Variants in IFITM3 observed in about 807,000 individuals in gnomAD.
IFITM3 encodes the protein interferon induced transmembrane protein 3.
Under a neutral mutation model 5.2 loss-of-function variants are expected in IFITM3, and 5 were observed. The ratio of observed to expected loss-of-function variants is 0.96; its 90% confidence interval spans 0.50 to 2.03. IFITM3 has a LOEUF of 2.03. Among genes scored for constraint, IFITM3 ranks in the 30% most tolerant of loss-of-function variants. The pLI is 0.01. For synonymous variants in IFITM3, 81 were observed against 77.6 expected, an observed-to-expected ratio of 1.04 and a Z score of -0.23; for missense variants, 156 against 177.3, an observed-to-expected ratio of 0.88 and a Z score of 0.68.
At chr11:320,014 G>T (rs751394542) in intron 1 of IFITM3, 24 bp from the exon 2 acceptor site, 1 of 1,610,238 alleles carries the variant, frequency 6.2e-7, no homozygotes, top group Non-Finnish European at 8.5e-7. Context: ...GATGGTGAGG[G>T]GACCAGGATC....
rs1236208260 is a variant in IFITM3, at chr11:319,982, G to A, written c.258C>T (p.Asp86=). The change falls in exon 2 of 2, where the codon GAC becomes GAT. Residue 86 remains aspartate, a synonymous_variant. Transcript: ENST00000399808. ...CGGTCACGTCGCCAACCATCTTCCT[G>A]TCCCTAGACTGGGGGAGAGGAGATG... ...IAFAYSVKSR[D]RKMVGDVTGA... is the part of the protein sequence containing the mutation. The A allele has an allele frequency of 6.2e-7, 1 of 1,613,644 alleles. No homozygotes were observed. Among genetic ancestry groups the A allele is most frequent in the Non-Finnish European group, 8.5e-7 (1 of 1,179,946 alleles).
At position 320,657 on chromosome 11, in the gene IFITM3, A is replaced by C; in HGVS notation, c.157T>G (p.Ser53Ala). 6.2e-7 allele frequency: 1 copy of C among 1,613,852 alleles called. No individual in the cohort carries two copies. The highest frequency in any genetic ancestry group is 1.3e-5 in the African/African-American group (1 of 75,024). Residue 53 changes from serine to alanine, a missense_variant, in exon 1 of 2, where the codon TCC (serine) becomes GCC (alanine). Transcript: ENST00000399808. ...STVIHIRSET[S>A]VPDHVVWSLF... ...GACCAGACGACATGGTCGGGCACGG[A>C]GGTCTCGCTGCGGATGTGGATCACG...
Position 320,568 on chromosome 11 carries a change from C to T in IFITM3, c.246G>A (p.Val82=), listed in dbSNP as rs1846089073. ...CATTCCCTGGGGCCATACGCACCTT[C>T]ACGGAGTAGGCGAATGCTATGAAGC... ...CLGFIAFAYS[V]KSRDRKMVGD... is the part of the protein sequence containing the mutation. The change falls in exon 1 of 2, where the codon GTG becomes GTA. Residue 82 remains valine (V), a synonymous_variant. Transcript: ENST00000399808. The T allele has an allele frequency of 1.2e-6, 2 of 1,613,714 alleles. No homozygotes were observed. The highest frequency in any genetic ancestry group is 1.7e-5 in the Admixed American group (1 of 59,996).
chr11:320,031 C>T (rs1197968876), intron 1 of IFITM3, 41 bp from the exon 2 acceptor site: 1 of 1,606,658 alleles, frequency 6.2e-7, no homozygotes, highest in Non-Finnish European at 8.5e-7. Context: ...GATCCCCCAG[C>T]TGAGAGCCGC....
rs755208857 is a variant in IFITM3, at chr11:320,727, C to T, written c.87G>A (p.Val29=). 6.8e-6 allele frequency: 11 copies of T among 1,613,748 alleles called. No homozygotes were observed. Among genetic ancestry groups the T allele is most frequent in the Admixed American group, 5.0e-5 (3 of 59,980 alleles). The change falls in exon 1 of 2, where the codon GTG becomes GTA. Residue 29 remains valine, a synonymous_variant. Coordinates refer to ENST00000399808, the MANE Select transcript of IFITM3 (RefSeq NM_021034.3). The part of the protein sequence containing the change: ...NYEMLKEEHE[V]AVLGAPHNPA... ...GGTTGTGGGGCGCCCCCAGCACAGCCACCTCGTGCTCCTCCTTGAGCATCT... is the reference window on the plus strand; with the variant it reads ...GGTTGTGGGGCGCCCCCAGCACAGCTACCTCGTGCTCCTCCTTGAGCATCT...
Position 319,707 on chromosome 11 carries a change from T to C in IFITM3, c.*131A>G. On this transcript the variant is annotated 3_prime_UTR_variant, in exon 2 of 2. Transcript: ENST00000399808. The stretch of plus-strand genomic sequence containing the variant: ...AACACGTGCACTTTATTGAATGCCA[T>C]TGTAGAAAAGCGTGTGAGGATAAAG... The C allele has an allele frequency of 5.9e-6, 7 of 1,178,194 alleles. No individual in the cohort carries two copies. The highest frequency in any genetic ancestry group is 7.5e-6 in the Non-Finnish European group (6 of 798,546). The allele number at this position is 1,178,194 out of a possible 1,614,324, so 73.0% of individuals were successfully genotyped here.
chr11:320,852 A>T lies in IFITM3; in HGVS notation c.-39T>A. ...GACCAGCGGCGGTCGGGTTACTGGG[A>T]TGGTTCTCAGTGAGCCCTCCCTTTC... On this transcript the variant is annotated 5_prime_UTR_variant, in exon 1 of 2. Transcript: ENST00000399808. 1 of 1,579,880 alleles carries T rather than the reference A, an allele frequency of 6.3e-7. No individual in the cohort carries two copies. The highest frequency in any genetic ancestry group is 1.1e-5 in the South Asian group (1 of 87,930).
intron 1 of IFITM3, 53 bp from the exon 2 acceptor site, chr11:320,043 T>G: frequency 1.9e-6 from 3 of 1,605,420 alleles, no homozygotes. Flanking sequence ...GAGAGCCGCG[T>G]GCTATGGCTC....
At position 319,873 on chromosome 11, in the gene IFITM3, C is replaced by A; in HGVS notation, c.367G>T (p.Val123Phe). The change falls in exon 2 of 2, where the codon GTC becomes TTC. Residue 123 changes from valine (V) to phenylalanine (F), a missense_variant. By Grantham distance (50) the Val-to-Phe change is conservative. Coordinates refer to ENST00000399808, the MANE Select transcript of IFITM3 (RefSeq NM_021034.3). ...LGILMTILLI[V>F]IPVLIFQAYG ...GCCTGGAAGATCAGCACTGGGATGACGATGAGCAGAATGGTCATGAGGATG... is the reference window on the plus strand; with the variant it reads ...GCCTGGAAGATCAGCACTGGGATGAAGATGAGCAGAATGGTCATGAGGATG... The A allele has an allele frequency of 6.2e-7, 1 of 1,614,164 alleles. No homozygotes were observed. The highest frequency in any genetic ancestry group is 8.5e-7 in the Non-Finnish European group (1 of 1,180,032).
chr11:320,479 A>G (rs1457465484), intron 1 of IFITM3, 86 bp downstream of exon 1: 17 of 1,569,902 alleles, frequency 1.1e-5, no homozygotes, highest in Non-Finnish European at 1.4e-5. Flanking sequence ...ACAGGGACAC[A>G]CAAGTCCCCA....
In IFITM3 at chr11:320,712, C is replaced by T. The variant is rs751428465; in HGVS notation, c.102G>A (p.Ala34=). 13 of 1,613,596 alleles carry T rather than the reference C, an allele frequency of 8.1e-6. No individual in the cohort carries two copies. The highest frequency in any genetic ancestry group is 5.3e-5 in the African/African-American group (4 of 74,866). ...ACGTCGGGGGAGCAGGGTTGTGGGG[C>T]GCCCCCAGCACAGCCACCTCGTGCT... The part of the protein sequence containing the change: ...KEEHEVAVLG[A]PHNPAPPTST... Residue 34 remains alanine (A), a synonymous_variant, in exon 1 of 2, where the codon GCG becomes GCA. Transcript: ENST00000399808.
In IFITM3 at chr11:319,726, G is replaced by C; in HGVS notation, c.*112C>G. On this transcript the variant is annotated 3_prime_UTR_variant, in exon 2 of 2. Transcript: ENST00000399808. Reference sequence around the variant, plus strand: ...ATGCCATTGTAGAAAAGCGTGTGAGGATAAAGGGCTGATACAGGACTCGGC... The same window carrying C: ...ATGCCATTGTAGAAAAGCGTGTGAGCATAAAGGGCTGATACAGGACTCGGC... 7.4e-7 allele frequency: 1 copy of C among 1,358,456 alleles called. No homozygotes were observed. The highest frequency in any genetic ancestry group is 1.0e-6 in the Non-Finnish European group (1 of 953,974). 84.2% of individuals were successfully genotyped at this position (1,358,456 alleles called of 1,614,324 possible). A position where few individuals can be genotyped will look rare whatever the true frequency, so the allele number is the denominator to read the frequency against.
At position 320,802 on chromosome 11, in the gene IFITM3, A is replaced by G; in HGVS notation, c.12T>C (p.Thr4=). The change falls in exon 1 of 2, where the codon ACT becomes ACC. Residue 4 remains threonine (T), a synonymous_variant. Coordinates refer to ENST00000399808, the MANE Select transcript of IFITM3 (RefSeq NM_021034.3). ...TGACAGGAGAGAAGAAGGTTTGGAC[A>G]GTGTGATTCATGGTGTCCAGCGAAG... MNH[T]VQTFFSPVNS... 1 of 1,611,528 alleles carries G rather than the reference A, an allele frequency of 6.2e-7. No homozygotes were observed. Among genetic ancestry groups the G allele is most frequent in the Non-Finnish European group, 8.5e-7 (1 of 1,178,116 alleles).
chr11:320,171 A>G, intron 1 of IFITM3, 181 bp from the exon 2 acceptor site: 1 of 736,436 alleles, frequency 1.4e-6, no homozygotes, highest in East Asian at 2.7e-5. Context: ...TGACCTCAGC[A>G]CAGGCTGTTC....
In IFITM3 at chr11:319,802, T is replaced by C. The variant is rs201649694; in HGVS notation, c.*36A>G. The stretch of plus-strand genomic sequence containing the variant: ...GTTGGAGTACGTGGGATACAGGTCA[T>C]GGGCAGAGCTCCTGGCCTCAGTGAT... On this transcript the variant is annotated 3_prime_UTR_variant, in exon 2 of 2. Transcript: ENST00000399808. The C allele has an allele frequency of 6.2e-6, 10 of 1,613,480 alleles. No homozygotes were observed. Among genetic ancestry groups the C allele is most frequent in the East Asian group, 2.2e-5 (1 of 44,896 alleles).
At position 319,745 on chromosome 11, in the gene IFITM3, A is replaced by ACTCGG. The variant is rs545548988; in HGVS notation, c.*88_*92dup. 1.8e-5 allele frequency: 28 copies of ACTCGG among 1,516,712 alleles called. No individual in the cohort carries two copies. In the South Asian group the frequency reaches 2.7e-4, roughly 15 times the overall value. The allele number at this position is 1,516,712 out of a possible 1,614,324, so 94.0% of individuals were successfully genotyped here. A position where few individuals can be genotyped will look rare whatever the true frequency, so the allele number is the denominator to read the frequency against. On this transcript the variant is annotated 3_prime_UTR_variant, in exon 2 of 2. Coordinates refer to ENST00000399808, the MANE Select transcript of IFITM3 (RefSeq NM_021034.3). ...TGTGAGGATAAAGGGCTGATACAGGACTCGGCTCCGGGGGCAGGGCGAGGA... is the reference window on the plus strand; with the variant it reads ...TGTGAGGATAAAGGGCTGATACAGGACTCGGCTCGGCTCCGGGGGCAGGGCGAGGA...
Position 319,946 on chromosome 11 carries a change from G to A in IFITM3, c.294C>T (p.Ala98=), listed in dbSNP as rs1389421335. ...TCAGGCACTTGGCGGTGGAGGCATAGGCCTGGGCCCCGGTCACGTCGCCAA... is the reference window on the plus strand; with the variant it reads ...TCAGGCACTTGGCGGTGGAGGCATAAGCCTGGGCCCCGGTCACGTCGCCAA... ...KMVGDVTGAQ[A]YASTAKCLNI... is the part of the protein sequence containing the mutation. The change falls in exon 2 of 2, where the codon GCC becomes GCT. Residue 98 remains alanine, a synonymous_variant. Transcript: ENST00000399808. The A allele has an allele frequency of 1.2e-6, 2 of 1,613,984 alleles. No homozygotes were observed. The highest frequency in any genetic ancestry group is 1.7e-6 in the Non-Finnish European group (2 of 1,180,030).
At position 320,840 on chromosome 11, in the gene IFITM3, C is replaced by G. The variant is rs758663100; in HGVS notation, c.-27G>C. On this transcript the variant is annotated 5_prime_UTR_variant, in exon 1 of 2. Coordinates refer to ENST00000399808, the MANE Select transcript of IFITM3 (RefSeq NM_021034.3). Reference sequence around the variant, plus strand: ...GTGTCCAGCGAAGACCAGCGGCGGTCGGGTTACTGGGATGGTTCTCAGTGA... The same window carrying G: ...GTGTCCAGCGAAGACCAGCGGCGGTGGGGTTACTGGGATGGTTCTCAGTGA... 1.2e-5 allele frequency: 19 copies of G among 1,587,188 alleles called. No homozygotes were observed. The highest frequency in any genetic ancestry group is 1.7e-5 in the Admixed American group (1 of 59,246).
At position 319,707 on chromosome 11, in the gene IFITM3, T is replaced by G; in HGVS notation, c.*131A>C. ...AACACGTGCACTTTATTGAATGCCATTGTAGAAAAGCGTGTGAGGATAAAG... is the reference window on the plus strand; with the variant it reads ...AACACGTGCACTTTATTGAATGCCAGTGTAGAAAAGCGTGTGAGGATAAAG... On this transcript the variant is annotated 3_prime_UTR_variant, in exon 2 of 2. Coordinates refer to ENST00000399808, the MANE Select transcript of IFITM3 (RefSeq NM_021034.3). The G allele has an allele frequency of 8.5e-7, 1 of 1,178,194 alleles. No individual in the cohort carries two copies. The highest frequency in any genetic ancestry group is 1.3e-6 in the Non-Finnish European group (1 of 798,546). 73.0% of individuals were successfully genotyped at this position (1,178,194 alleles called of 1,614,324 possible). A position where few individuals can be genotyped will look rare whatever the true frequency, so the allele number is the denominator to read the frequency against.
Sources: gnomAD v4.1 joint callset for allele counts on GRCh38, gnomAD v4.1.1 for gene constraint, MANE v1.5 for transcripts, NCBI Gene and HGNC (gene_info 2026-07-23, HGNC 2026-07-21) for gene names.